ENTREP2: variants seen among roughly 807,000 people sequenced by gnomAD.
The protein encoded by ENTREP2 is endosomal transmembrane epsin interactor 2.
the ENTREP2 span, among the ~76,000 whole-genome samples, chr15:29,136,037 G>A: frequency 1.2e-4 from 19 of 152,330 alleles, no homozygotes; most frequent in Admixed American, 5.9e-4. Context: ...GCTGTGACTC[G>A]TGGCTGCAGA....
chr15:29,159,158 T>C, the ENTREP2 span, among the ~76,000 whole-genome samples: 1 of 152,078 alleles, frequency 6.6e-6, no homozygotes, highest in Non-Finnish European at 1.5e-5. Context: ...CTGGAGTCTG[T>C]TCGTTCTGAT....
chr15:29,228,477 A>G, the ENTREP2 span, among the ~76,000 whole-genome samples: 1 of 152,190 alleles, frequency 6.6e-6, no homozygotes. Flanking sequence ...TTTGATGGGT[A>G]TAAAGTTTCT....
the ENTREP2 span, among the ~76,000 whole-genome samples, chr15:29,635,402 C>A: frequency 6.6e-6 from 1 of 152,124 alleles, no homozygotes. Flanking sequence ...ATCACAGGGG[C>A]CATGCTGGGT....
the ENTREP2 span, chr15:29,570,580 T>C: frequency 1.4e-6 from 2 of 1,468,952 alleles, no homozygotes; most frequent in Non-Finnish European, 1.8e-6. Flanking sequence ...CGAAGCTGAC[T>C]GCCACGATGA....
At chr15:29,633,750 C>CGGG in the ENTREP2 span, among the ~76,000 whole-genome samples, 3 of 151,894 alleles carry the variant, frequency 2.0e-5, no homozygotes, top group Non-Finnish European at 4.4e-5. Context: ...CACCTGAGCT[C>CGGG]GGGAGTTCAA....
chr15:29,431,815 CAG>C, the ENTREP2 span, among the ~76,000 whole-genome samples: 8 of 152,156 alleles, frequency 5.3e-5, no homozygotes, highest in African/African-American at 1.9e-4. Context: ...GAGGTGGAGG[CAG>C]AGAGATCAAT....
At chr15:29,263,568 T>A in the ENTREP2 span, among the ~76,000 whole-genome samples, 5 of 152,222 alleles carry the variant, frequency 3.3e-5, 1 homozygote, top group South Asian at 1.0e-3. Flanking sequence ...GAGGAATTAA[T>A]CAAATAAGTA....
the ENTREP2 span, among the ~76,000 whole-genome samples, chr15:29,356,289 TATATATA>T: frequency 1.0e-2 from 598 of 59,844 alleles, 8 homozygotes; most frequent in African/African-American, 0.025. Context: ...TATATATATA[TATATATA>T]TTTTTTTTTT....
chr15:29,371,028 G>GTCA, the ENTREP2 span, among the ~76,000 whole-genome samples: 14,751 of 151,674 alleles, frequency 0.097, 1,100 homozygotes, highest in African/African-American at 0.2. Context: ...TACTGTCGTT[G>GTCA]TCATCATCAT....
chr15:29,289,663 T>C, the ENTREP2 span, among the ~76,000 whole-genome samples: 1 of 152,012 alleles, frequency 6.6e-6, no homozygotes. Flanking sequence ...CTGATCAACA[T>C]GGCAAAACCC....
the ENTREP2 span, among the ~76,000 whole-genome samples, chr15:29,315,523 A>G: frequency 6.6e-6 from 1 of 152,236 alleles, no homozygotes; most frequent in Non-Finnish European, 1.5e-5. Flanking sequence ...ATATGGAAAA[A>G]GAAAAATACA....
chr15:29,337,873 C>T, the ENTREP2 span, among the ~76,000 whole-genome samples: 1 of 152,258 alleles, frequency 6.6e-6, no homozygotes, highest in East Asian at 1.9e-4. Context: ...GGATTCCCAT[C>T]CAGGCATCCC....
At chr15:29,484,167 C>A in the ENTREP2 span, among the ~76,000 whole-genome samples, 1 of 152,272 alleles carries the variant, frequency 6.6e-6, no homozygotes, top group East Asian at 1.9e-4. Flanking sequence ...ATAGCTCCTT[C>A]AAGAGCTAGA....
the ENTREP2 span, among the ~76,000 whole-genome samples, chr15:29,355,057 A>G: frequency 1.3e-5 from 2 of 152,068 alleles, no homozygotes; most frequent in African/African-American, 4.8e-5. Flanking sequence ...TCTGCTGGAA[A>G]GGACCAGTGC....
At chr15:29,221,977 C>T in the ENTREP2 span, among the ~76,000 whole-genome samples, 1 of 152,184 alleles carries the variant, frequency 6.6e-6, no homozygotes, top group African/African-American at 2.4e-5. Context: ...ACTTCTCCAA[C>T]TTGTAACATT....
At chr15:29,167,373 T>C in the ENTREP2 span, among the ~76,000 whole-genome samples, 1 of 151,184 alleles carries the variant, frequency 6.6e-6, no homozygotes, top group Admixed American at 6.6e-5. Flanking sequence ...GTCAGTAGAG[T>C]AAACAGACAA....
chr15:29,380,944 C>T, the ENTREP2 span, among the ~76,000 whole-genome samples: 3 of 150,972 alleles, frequency 2.0e-5, 1 homozygote, highest in South Asian at 6.3e-4. Flanking sequence ...CTCTACCTCC[C>T]GGGTTCAAGC....
chr15:29,161,853 T>G, the ENTREP2 span, among the ~76,000 whole-genome samples: 2 of 152,128 alleles, frequency 1.3e-5, no homozygotes, highest in Non-Finnish European at 2.9e-5. Flanking sequence ...CAGAGCAATG[T>G]GCAGAGGCTT....
At chr15:29,234,647 C>T in the ENTREP2 span, 2 of 1,563,208 alleles carry the variant, frequency 1.3e-6, no homozygotes, top group East Asian at 2.2e-5. Flanking sequence ...CCTACCAGTT[C>T]TATCTTCACC....
Sources: allele counts gnomAD v4.1 joint callset (sites outside exome capture counted in the v4.1 genomes callset), GRCh38; gene constraint gnomAD v4.1.1; transcripts MANE v1.5; gene names NCBI Gene and HGNC (gene_info 2026-07-23, HGNC 2026-07-21).